Variants in PINX1 observed in about 807,000 individuals in gnomAD.
PINX1 encodes PIN2/TERF1-interacting telomerase inhibitor 1.
PINX1 carries 34 observed loss-of-function variants against 25.4 expected under a neutral mutation model. The observed-to-expected ratio is 1.34, with a 90% CI of 1.02 to 1.78. The LOEUF (loss-of-function observed/expected upper bound fraction) is 1.78. Among genes scored for constraint, PINX1 ranks in the 40% most tolerant of loss-of-function variants. The pLI is 0.00. For missense variants in PINX1, 592 were observed against 404.9 expected, an observed-to-expected ratio of 1.46 and a Z score of -3.97; for synonymous variants, 197 against 147.7, an observed-to-expected ratio of 1.33 and a Z score of -2.42.
At chr8:10,784,179 T>C (rs889818978) in intron 6 of PINX1, among the ~76,000 whole-genome samples, 4 of 152,186 alleles carry the variant, frequency 2.6e-5, no homozygotes, top group Admixed American at 2.0e-4. Flanking sequence ...CAGATCTCCA[T>C]AGCAGGGAGG....
At chr8:10,784,422 T>A (rs1000219042) in intron 6 of PINX1, among the ~76,000 whole-genome samples, 2 of 152,250 alleles carry the variant, frequency 1.3e-5, no homozygotes, top group Non-Finnish European at 2.9e-5. Flanking sequence ...CTTACAAGTT[T>A]CAGCGCTACC....
intron 6 of PINX1, among the ~76,000 whole-genome samples, chr8:10,806,255 G>A (rs948173351): frequency 6.6e-6 from 1 of 152,228 alleles, no homozygotes; most frequent in South Asian, 2.1e-4. Context: ...TGCACAGTGG[G>A]GGCTTTCTCA....
chr8:10,834,210 CAA>C (rs2129090751), intron 2 of PINX1: 1 of 155,690 alleles, frequency 6.4e-6, no homozygotes, highest in South Asian at 2.0e-4. Context: ...GCAGAAGAGA[CAA>C]TAGCACTGTG....
intron 6 of PINX1, among the ~76,000 whole-genome samples, chr8:10,788,710 C>A (rs957010673): frequency 2.0e-5 from 3 of 152,180 alleles, no homozygotes; most frequent in African/African-American, 7.2e-5. Flanking sequence ...CCTGGCAGTT[C>A]CATTATCCTA....
intron 6 of PINX1, among the ~76,000 whole-genome samples, chr8:10,816,316 G>T (rs968540633): frequency 2.0e-5 from 3 of 152,164 alleles, no homozygotes; most frequent in Non-Finnish European, 1.5e-5. Context: ...TACTATCTTT[G>T]CAACATCCTG....
intron 6 of PINX1, among the ~76,000 whole-genome samples, chr8:10,804,612 C>T (rs1802378892): frequency 6.6e-6 from 1 of 152,034 alleles, no homozygotes; most frequent in African/African-American, 2.4e-5. Flanking sequence ...GTAGGAAACA[C>T]TGGGGCCGGG....
intron 6 of PINX1, among the ~76,000 whole-genome samples, chr8:10,767,425 T>G (rs996869176): frequency 1.3e-5 from 2 of 151,996 alleles, no homozygotes; most frequent in Non-Finnish European, 2.9e-5. Context: ...AAAAATCATG[T>G]GGTCAATTCT....
intron 6 of PINX1, among the ~76,000 whole-genome samples, chr8:10,785,819 G>A (rs1366176530): frequency 6.6e-6 from 1 of 152,190 alleles, no homozygotes; most frequent in African/African-American, 2.4e-5. Context: ...TCCATGTAAG[G>A]AACAAACACT....
intron 6 of PINX1, among the ~76,000 whole-genome samples, chr8:10,794,963 C>G (rs149192272): frequency 3.9e-5 from 6 of 152,234 alleles, no homozygotes; most frequent in Admixed American, 6.5e-5. Context: ...CTGAAGAATG[C>G]AGGTGGTGAT....
intron 6 of PINX1, among the ~76,000 whole-genome samples, chr8:10,798,748 C>T (rs1802168824): frequency 6.6e-6 from 1 of 152,210 alleles, no homozygotes; most frequent in East Asian, 1.9e-4. Flanking sequence ...GTCTAATGGC[C>T]TGGTCACTGT....
rs1185785140 is a variant in PINX1, at chr8:10,765,122, T to C, written c.*279A>G. The C allele has an allele frequency of 2.4e-6, 1 of 420,106 alleles. No homozygotes were observed. The highest frequency in any genetic ancestry group is 4.2e-6 in the Non-Finnish European group (1 of 235,878). 26.0% of individuals were successfully genotyped at this position (420,106 alleles called of 1,614,324 possible). A position where few individuals can be genotyped will look rare whatever the true frequency, so the allele number is the denominator to read the frequency against. ...TGCACACTTACATGAATGCATGTAT[T>C]TGTAATGATTATAATTAAACTCTCT... On this transcript the variant is annotated 3_prime_UTR_variant, in exon 7 of 7. Transcript: ENST00000314787.
Position 10,839,722 on chromosome 8 carries a change from C to A in PINX1, c.19+16G>T. The A allele has an allele frequency of 6.2e-7, 1 of 1,601,342 alleles. No individual in the cohort carries two copies. Among genetic ancestry groups the A allele is most frequent in the South Asian group, 1.1e-5 (1 of 88,602 alleles). ...CACCAACGCGCCTGGGTCGGGCCTC[C>A]GCTTCCGACACTCACGTTCAGCCAG... is the stretch of plus-strand genomic sequence containing the variant. On this transcript the variant is annotated intron_variant, in intron 1 of 6. Transcript: ENST00000314787.
At position 10,826,230 on chromosome 8, in the gene PINX1, T is replaced by G; in HGVS notation, c.316A>C (p.Lys106Gln). The G allele has an allele frequency of 6.3e-7, 1 of 1,577,368 alleles. No homozygotes were observed. Among genetic ancestry groups the G allele is most frequent in the Non-Finnish European group, 8.7e-7 (1 of 1,151,902 alleles). Residue 106 changes from lysine (K) to glutamine (Q), a missense_variant, in exon 5 of 7, where the codon AAG becomes CAG. Transcript: ENST00000314787. Reference sequence around the variant, plus strand: ...TCAAGGCTAAAAGATTTCTTTTCCTTCTTGTCCGAGGAATCTTTAAAAAAG... The same window carrying G: ...TCAAGGCTAAAAGATTTCTTTTCCTGCTTGTCCGAGGAATCTTTAAAAAAG... ...GQETTDSSDKKEKKSFSLEEK... is the reference protein window; with the variant it reads ...GQETTDSSDKQEKKSFSLEEK...
At chr8:10,818,607 G>A (rs1235851804) in intron 6 of PINX1, among the ~76,000 whole-genome samples, 1 of 152,182 alleles carries the variant, frequency 6.6e-6, no homozygotes, top group African/African-American at 2.4e-5. Context: ...GTGAGCAGCA[G>A]GCAGAAGAGA....
At chr8:10,818,632 G>A (rs1053438348) in intron 6 of PINX1, among the ~76,000 whole-genome samples, 1 of 152,184 alleles carries the variant, frequency 6.6e-6, no homozygotes, top group Non-Finnish European at 1.5e-5. Flanking sequence ...CAACGTGCAG[G>A]GATGTGGAAA....
chr8:10,829,876 G>A (rs558602690), intron 4 of PINX1, among the ~76,000 whole-genome samples: 1 of 152,204 alleles, frequency 6.6e-6, no homozygotes, highest in East Asian at 1.9e-4. Context: ...GAGAGACAGG[G>A]TTTCTCCATG....
intron 6 of PINX1, among the ~76,000 whole-genome samples, chr8:10,774,622 T>A (rs1329863499): frequency 6.6e-6 from 1 of 152,188 alleles, no homozygotes; most frequent in African/African-American, 2.4e-5. Context: ...ATTTTGAAAC[T>A]AGGAATAGGG....
At chr8:10,815,837 T>C (rs1325326786) in intron 6 of PINX1, among the ~76,000 whole-genome samples, 1 of 152,226 alleles carries the variant, frequency 6.6e-6, no homozygotes, top group Non-Finnish European at 1.5e-5. Context: ...ATTTGATCTC[T>C]ACAAGGAGTT....
At chr8:10,803,750 A>C (rs1228640245) in intron 6 of PINX1, among the ~76,000 whole-genome samples, 1 of 152,194 alleles carries the variant, frequency 6.6e-6, no homozygotes, top group African/African-American at 2.4e-5. Context: ...CTAAGGCTGA[A>C]CCATAAATAG....
Sources: gnomAD v4.1 joint callset for allele counts (sites outside exome capture counted in the v4.1 genomes callset) on GRCh38, gnomAD v4.1.1 for gene constraint, MANE v1.5 for transcripts, NCBI Gene and HGNC (gene_info 2026-07-23, HGNC 2026-07-21) for gene names.